The following SPON1 variants were observed in gnomAD, a reference collection of about 807,000 sequenced individuals.
SPON1 encodes the protein spondin-1.
A neutral mutation model predicts 111.7 loss-of-function variants in SPON1; 52 were observed. The observed-to-expected ratio is 0.47, with a 90% CI of 0.37 to 0.59. The LOEUF (loss-of-function observed/expected upper bound fraction) is 0.59. Ranked by LOEUF, SPON1 falls within the 20% of genes least tolerant of loss-of-function variation. The pLI is 0.00. For missense variants in SPON1, 957 were observed against 1,068.5 expected (o/e 0.90, Z 1.46); for synonymous variants, 410 against 395.8 (o/e 1.04, Z -0.43).
rs560689806 is a variant in SPON1, at chr11:14,170,223, T to C, written c.825+34655T>C. ...AGAGGTCCTTCACATCCCTTGTAAG[T>C]TGGATTCCTAGGTATTTTCTTCTCT... is the stretch of plus-strand genomic sequence containing the variant. On this transcript the variant is annotated intron_variant, in intron 6 of 15. Coordinates refer to ENST00000576479, the MANE Select transcript of SPON1 (RefSeq NM_006108.4). Among the ~76,000 whole-genome samples, 29 of 152,270 alleles carry C rather than the reference T, an allele frequency of 1.9e-4. 1 individual carries two copies. The South Asian group carries it at 5.8e-3, about 31-fold the overall frequency.
chr11:14,127,603 C>T (rs1343826416), intron 5 of SPON1, among the ~76,000 whole-genome samples: 3 of 152,240 alleles, frequency 2.0e-5, no homozygotes, highest in Non-Finnish European at 2.9e-5. Flanking sequence ...AGTGTCATAA[C>T]TCGCCTGCCT....
intron 7 of SPON1, among the ~76,000 whole-genome samples, chr11:14,245,127 G>A (rs181376821): frequency 1.6e-3 from 237 of 152,298 alleles, no homozygotes; most frequent in Middle Eastern, 6.8e-3. Context: ...GAGAAAAGGC[G>A]AAATCCACAG....
Position 14,193,481 on chromosome 11 carries a change from TG to T in SPON1, c.826-49850del, listed in dbSNP as rs555720741. ...AAATATCATCTTGCTCCAAGGTTTTTGAGGATGGTGAGCTCTGCTTGTCACA... is the reference window on the plus strand; with the variant it reads ...AAATATCATCTTGCTCCAAGGTTTTTAGGATGGTGAGCTCTGCTTGTCACA... On this transcript the variant is annotated intron_variant, in intron 6 of 15. Coordinates refer to ENST00000576479, the MANE Select transcript of SPON1 (RefSeq NM_006108.4). Among the ~76,000 whole-genome samples, 186 of 152,310 alleles carry T rather than the reference TG, an allele frequency of 1.2e-3. 1 individual carries two copies. The highest frequency in any genetic ancestry group is 4.3e-3 in the African/African-American group (178 of 41,566).
intron 2 of SPON1, among the ~76,000 whole-genome samples, chr11:13,994,667 G>A (rs895641846): frequency 9.8e-5 from 15 of 152,308 alleles, no homozygotes; most frequent in African/African-American, 3.4e-4. Flanking sequence ...CCAATTGCAC[G>A]AGTACAAGAT....
At chr11:14,130,039 GGTCAATA>G (rs1277112447) in intron 5 of SPON1, among the ~76,000 whole-genome samples, 1 of 152,176 alleles carries the variant, frequency 6.6e-6, no homozygotes, top group African/African-American at 2.4e-5. Flanking sequence ...ATGAAATTCA[GGTCAATA>G]GTCAATAGTC....
intron 2 of SPON1, among the ~76,000 whole-genome samples, chr11:14,032,667 T>A (rs1848567828): frequency 6.6e-6 from 1 of 152,240 alleles, no homozygotes; most frequent in Non-Finnish European, 1.5e-5. Flanking sequence ...CAAAGTCATC[T>A]AATTAGAAAG....
chr11:14,236,883 G>A (rs1222411639), intron 6 of SPON1, among the ~76,000 whole-genome samples: 1 of 152,242 alleles, frequency 6.6e-6, no homozygotes, highest in Non-Finnish European at 1.5e-5. Context: ...TGGTGACCTT[G>A]ACGGGAGCAG....
At chr11:14,147,017 CTTTTTTTTTTTTT>C (rs34930543) in intron 6 of SPON1, among the ~76,000 whole-genome samples, 1 of 64,992 alleles carries the variant, frequency 1.5e-5, no homozygotes, top group Admixed American at 2.3e-4. Flanking sequence ...ATGAAAGAAC[CTTTTTTTTTTTTT>C]TTTTTTTTTT....
intron 2 of SPON1, among the ~76,000 whole-genome samples, chr11:14,023,496 C>G (rs1848495258): frequency 6.6e-6 from 1 of 152,166 alleles, no homozygotes; most frequent in African/African-American, 2.4e-5. Flanking sequence ...CGTGCTACAA[C>G]TATATCAACA....
chr11:14,267,231 G>C lies in SPON1; in HGVS notation c.*1544G>C, dbSNP rs1321839236. On this transcript the variant is annotated 3_prime_UTR_variant, in exon 16 of 16. Coordinates refer to ENST00000576479, the MANE Select transcript of SPON1 (RefSeq NM_006108.4). Reference sequence around the variant, plus strand: ...TGGGTCTTTCATGTCTTTAAGCTAAGTAAGTGTTCAGAAGGTTCTTTTTTA... The same window carrying C: ...TGGGTCTTTCATGTCTTTAAGCTAACTAAGTGTTCAGAAGGTTCTTTTTTA... The C allele has an allele frequency of 6.6e-6, 1 of 152,154 alleles. No individual in the cohort carries two copies. The highest frequency in any genetic ancestry group is 1.5e-5 in the Non-Finnish European group (1 of 68,020). 9.4% of individuals were successfully genotyped at this position (152,154 alleles called of 1,614,324 possible).
intron 5 of SPON1, among the ~76,000 whole-genome samples, chr11:14,125,518 G>T (rs1352428273): frequency 6.6e-6 from 1 of 152,182 alleles, no homozygotes; most frequent in Non-Finnish European, 1.5e-5. Context: ...ACAAAGATTT[G>T]CTGAAAAGTA....
intron 5 of SPON1, among the ~76,000 whole-genome samples, chr11:14,119,044 G>C (rs1849285417): frequency 2.6e-5 from 4 of 152,162 alleles, no homozygotes; most frequent in Admixed American, 1.3e-4. Flanking sequence ...AACATCTCTA[G>C]CTTTGAATAA....
rs1848665190 is a variant in SPON1 at position 14,045,917 on chromosome 11, A to G, written c.479+4263A>G. On this transcript the variant is annotated intron_variant, in intron 3 of 15. Coordinates refer to ENST00000576479, the MANE Select transcript of SPON1 (RefSeq NM_006108.4). ...GAATTTTGATTTTATGTCTTGTTCA[A>G]AAATAATTTTCCTATGCCTAAGGCT... 2.6e-5 allele frequency among the ~76,000 whole-genome samples: 4 copies of G among 152,240 alleles called. No individual in the cohort carries two copies. In the South Asian group the frequency reaches 8.3e-4, roughly 32 times the overall value.
intron 6 of SPON1, among the ~76,000 whole-genome samples, chr11:14,139,358 C>T (rs1371964687): frequency 1.3e-5 from 2 of 152,136 alleles, no homozygotes; most frequent in South Asian, 2.1e-4. Flanking sequence ...CTAAATTGAT[C>T]TTGCCAGGTG....
intron 3 of SPON1, among the ~76,000 whole-genome samples, chr11:14,066,162 A>G (rs1848830893): frequency 6.6e-6 from 1 of 152,244 alleles, no homozygotes; most frequent in Non-Finnish European, 1.5e-5. Flanking sequence ...GAAAAATAAA[A>G]GTAATTTTTT....
At position 14,057,848 on chromosome 11, in the gene SPON1, AC is replaced by A. The variant is rs1554919413; in HGVS notation, c.479+16195del. 5.6e-3 allele frequency among the ~76,000 whole-genome samples: 834 copies of A among 150,032 alleles called. 24 individuals carry two copies. Among genetic ancestry groups the A allele is most frequent in the African/African-American group, 0.019 (798 of 41,036 alleles). ...TGTCTCTACAAAAAAAAAAAACAAA[AC>A]AAAAACTTAAAAATAAAATTAGCTG... On this transcript the variant is annotated intron_variant, in intron 3 of 15. Transcript: ENST00000576479.
At chr11:14,255,989 G>A (rs1849103202) in intron 9 of SPON1, among the ~76,000 whole-genome samples, 1 of 152,218 alleles carries the variant, frequency 6.6e-6, no homozygotes, top group Non-Finnish European at 1.5e-5. Context: ...GCCCATGCCT[G>A]TAATCCCAGC....
At chr11:14,092,650 CA>C (rs1447147662) in intron 5 of SPON1, among the ~76,000 whole-genome samples, 1 of 152,086 alleles carries the variant, frequency 6.6e-6, no homozygotes, top group Non-Finnish European at 1.5e-5. Context: ...AGAAGGGAGG[CA>C]GGGGAATCGC....
chr11:14,229,962 G>A (rs1848780165), intron 6 of SPON1, among the ~76,000 whole-genome samples: 1 of 148,084 alleles, frequency 6.8e-6, no homozygotes, highest in Middle Eastern at 3.5e-3. Context: ...GTGTGTGTGT[G>A]TGTGTGTGTG....
Sources: gnomAD v4.1 joint callset for allele counts (sites outside exome capture counted in the v4.1 genomes callset) on GRCh38, gnomAD v4.1.1 for gene constraint, MANE v1.5 for transcripts, NCBI Gene and HGNC (gene_info 2026-07-23, HGNC 2026-07-21) for gene names.